The following WBP4 variants were observed in gnomAD, a reference collection of about 807,000 sequenced individuals.
WBP4 encodes WW domain binding protein 4.
In WBP4, 37 loss-of-function variants were observed where a neutral mutation model predicts 55.4. The ratio of observed to expected loss-of-function variants is 0.67; its 90% CI spans 0.51 to 0.88. The LOEUF (loss-of-function observed/expected upper bound fraction) is 0.88, where lower values mean the gene tolerates loss of function less well. Ranked by LOEUF, WBP4 falls within the 40% of genes least tolerant of loss-of-function variation. The pLI, the probability that WBP4 is intolerant of heterozygous loss-of-function variation, is 0.00. For synonymous variants in WBP4, 142 were observed against 140.2 expected (o/e 1.01, Z -0.09); for missense variants, 398 against 420.8 (o/e 0.95, Z 0.47).
At position 41,065,217 on chromosome 13, in the gene WBP4, GT is replaced by G; in HGVS notation, c.195del (p.Phe65LeufsTer9). ...AGGAAGAAGAAAAGGCATCAAAGGA[GT>G]TTGCTGCAATGGAGGCAGCTGCCCT... ...AKEEEKASKE[F>X]AAMEAAALKA... is the part of the protein sequence containing the mutation. On this transcript the variant is annotated frameshift_variant, in exon 4 of 10. Coordinates refer to ENST00000379487, the MANE Select transcript of WBP4 (RefSeq NM_007187.5). LOFTEE classifies it high-confidence loss of function. 1 of 1,585,684 alleles carries G rather than the reference GT, an allele frequency of 6.3e-7. No individual in the cohort carries two copies. Among genetic ancestry groups the G allele is most frequent in the Non-Finnish European group, 8.6e-7 (1 of 1,162,946 alleles).
At chr13:41,069,878 CAAAAAA>C (rs1178697602) in intron 5 of WBP4, among the ~76,000 whole-genome samples, 1 of 75,606 alleles carries the variant, frequency 1.3e-5, no homozygotes, top group Non-Finnish European at 2.8e-5. Context: ...AAGTCCATCT[CAAAAAA>C]AAAAAAAAGA....
rs772285718 is a variant in WBP4, at chr13:41,068,656, A to G, written c.358A>G (p.Lys120Glu). Residue 120 changes from lysine to glutamate, a missense_variant, in exon 5 of 10, where the codon AAA (lysine) becomes GAA (glutamate). Coordinates refer to ENST00000379487, the MANE Select transcript of WBP4 (RefSeq NM_007187.5). ...AGAAAAGAAAGAAAAGAAGAAAAGA[A>G]AAAAAGATCCTTCAAAGGGCAGATG... ...QKEKKEKKKR[K>E]KDPSKGRWVE... is the part of the protein sequence containing the mutation. The G allele has an allele frequency of 2.5e-6, 4 of 1,613,892 alleles. No homozygotes were observed. The South Asian group carries it at 3.3e-5, about 13-fold the overall frequency.
At position 41,076,098 on chromosome 13, in the gene WBP4, C is replaced by T. The variant is rs1878470177; in HGVS notation, c.617C>T (p.Ser206Phe). The change falls in exon 8 of 10, where the codon TCT becomes TTT. Residue 206 changes from serine (S) to phenylalanine (F), a missense_variant. By Grantham distance (155) the Ser-to-Phe change is radical. Transcript: ENST00000379487. ...ATTCCACACACTAGTGATCTGCCTT[C>T]TAGTAAGGTCAATGAAAATTCACTT... is the stretch of plus-strand genomic sequence containing the variant. ...DFIPHTSDLP[S>F]SKVNENSLGT... The T allele has an allele frequency of 1.2e-6, 2 of 1,613,306 alleles. No individual in the cohort carries two copies. Among genetic ancestry groups the T allele is most frequent in the African/African-American group, 1.3e-5 (1 of 74,658 alleles).
At chr13:41,066,849 G>A (rs1236782384) in intron 4 of WBP4, among the ~76,000 whole-genome samples, 1 of 152,178 alleles carries the variant, frequency 6.6e-6, no homozygotes, top group African/African-American at 2.4e-5. Context: ...GTATAAAAGT[G>A]TGAATATATT....
Position 41,065,112 on chromosome 13 carries a change from T to G in WBP4, c.138+34T>G, listed in dbSNP as rs1221089843. 14 of 1,600,732 alleles carry G rather than the reference T, an allele frequency of 8.7e-6. No homozygotes were observed. The Middle Eastern group carries it at 5.0e-4, about 57-fold the overall frequency. ...GATTGTTTATTTGCTAATTTTTCTA[T>G]GCAAATGTCAGTCCTTTATCTCACT... is the stretch of plus-strand genomic sequence containing the variant. On this transcript the variant is annotated intron_variant, in intron 3 of 9. Transcript: ENST00000379487.
chr13:41,080,679 C>A lies in WBP4; in HGVS notation c.790C>A (p.Pro264Thr). Residue 264 changes from proline (P) to threonine (T), a missense_variant, in exon 9 of 10, where the codon CCA becomes ACA. By Grantham distance (38) the Pro-to-Thr change is conservative. Coordinates refer to ENST00000379487, the MANE Select transcript of WBP4 (RefSeq NM_007187.5). ...TAAAAATAGTGATGGAGGAAGTGACCCAGAAACACAGAAAGAAAAAAGTAT... is the reference window on the plus strand; with the variant it reads ...TAAAAATAGTGATGGAGGAAGTGACACAGAAACACAGAAAGAAAAAAGTAT... Reference protein sequence around the residue: ...KNKNSDGGSDPETQKEKSIQK... With the variant: ...KNKNSDGGSDTETQKEKSIQK... 6.3e-7 allele frequency: 1 copy of A among 1,596,342 alleles called. No homozygotes were observed. The highest frequency in any genetic ancestry group is 1.2e-5 in the South Asian group (1 of 86,666).
At chr13:41,074,031 ATGCCATTCTCC>A (rs1878368707) in intron 7 of WBP4, among the ~76,000 whole-genome samples, 1 of 150,616 alleles carries the variant, frequency 6.6e-6, no homozygotes, top group South Asian at 2.1e-4. Context: ...CCTGGGGTTC[ATGCCATTCTCC>A]TGCCTCAGCC....
Position 41,061,550 on chromosome 13 carries a change from A to G in WBP4, c.-124A>G. On this transcript the variant is annotated 5_prime_UTR_variant, in exon 1 of 10. Transcript: ENST00000379487. ...GAACGCTGGTCCCGGGGACTGAGTA[A>G]GGTGTCTGGATCGGAGGGAGGTTCG... 1 of 1,459,844 alleles carries G rather than the reference A, an allele frequency of 6.9e-7. No homozygotes were observed. The highest frequency in any genetic ancestry group is 9.5e-7 in the Non-Finnish European group (1 of 1,051,498). 90.4% of individuals were successfully genotyped at this position (1,459,844 alleles called of 1,614,324 possible).
rs202181605 is a variant in WBP4 at position 41,082,781 on chromosome 13, C to G, written c.998C>G (p.Pro333Arg). The stretch of plus-strand genomic sequence containing the variant: ...TCAGAAGCTGATGGTGGCGGAGAAC[C>G]CAAAGTGGTATTTAAAGAAAAAACA... ...STSEADGGGEPKVVFKEKTVT... is the reference protein window; with the variant it reads ...STSEADGGGERKVVFKEKTVT... The change falls in exon 10 of 10, where the codon CCC becomes CGC. Residue 333 changes from proline to arginine, a missense_variant. Physicochemically the swap from Pro to Arg is moderately radical, Grantham distance 103. Coordinates refer to ENST00000379487, the MANE Select transcript of WBP4 (RefSeq NM_007187.5). 1.2e-6 allele frequency: 2 copies of G among 1,613,844 alleles called. No homozygotes were observed. The highest frequency in any genetic ancestry group is 1.7e-6 in the Non-Finnish European group (2 of 1,179,994).
At position 41,079,445 on chromosome 13, in the gene WBP4, T is replaced by C. The variant is rs968191244; in HGVS notation, c.757-1201T>C. On this transcript the variant is annotated intron_variant, in intron 8 of 9. Coordinates refer to ENST00000379487, the MANE Select transcript of WBP4 (RefSeq NM_007187.5). ...GAAATTAGCCGAGCATGGTGGCGCATGCAGGAGAATTGCTTGAACCTGGGA... is the reference window on the plus strand; with the variant it reads ...GAAATTAGCCGAGCATGGTGGCGCACGCAGGAGAATTGCTTGAACCTGGGA... 2.0e-5 allele frequency among the ~76,000 whole-genome samples: 3 copies of C among 148,652 alleles called. No individual in the cohort carries two copies. The Admixed American group carries it at 2.1e-4, about 10-fold the overall frequency.
At chr13:41,064,233 T>C (rs1877840955) in intron 2 of WBP4, among the ~76,000 whole-genome samples, 1 of 152,160 alleles carries the variant, frequency 6.6e-6, no homozygotes. Flanking sequence ...TATCCATACA[T>C]AAAGAGCTTC....
intron 7 of WBP4, among the ~76,000 whole-genome samples, chr13:41,073,798 C>T (rs1878355426): frequency 6.6e-6 from 1 of 152,098 alleles, no homozygotes; most frequent in Non-Finnish European, 1.5e-5. Flanking sequence ...CAGAGCAAGA[C>T]TGTCTCAAAA....
At position 41,080,626 on chromosome 13, in the gene WBP4, T is replaced by A. The variant is rs778861564; in HGVS notation, c.757-20T>A. 1.9e-6 allele frequency: 3 copies of A among 1,567,052 alleles called. No individual in the cohort carries two copies. The highest frequency in any genetic ancestry group is 2.6e-6 in the Non-Finnish European group (3 of 1,164,318). Reference sequence around the variant, plus strand: ...GTAGTTTTGCTTGAACTGTATTATTTCTTGGCTTTTACATTTCAGGAAAAA... The same window carrying A: ...GTAGTTTTGCTTGAACTGTATTATTACTTGGCTTTTACATTTCAGGAAAAA... On this transcript the variant is annotated intron_variant, in intron 8 of 9. Coordinates refer to ENST00000379487, the MANE Select transcript of WBP4 (RefSeq NM_007187.5).
intron 2 of WBP4, among the ~76,000 whole-genome samples, chr13:41,063,474 A>AT (rs35118756): frequency 0.33 from 49,658 of 151,368 alleles, 9,874 homozygotes; most frequent in Admixed American, 0.47. Flanking sequence ...TAGGATTTGG[A>AT]TTTTTTTTTG....
chr13:41,072,784 A>C lies in WBP4; in HGVS notation c.489A>C (p.Thr163=), dbSNP rs141219833. ...PEGFQGDLKK[T]AVKTVWVEGL... Reference sequence around the variant, plus strand: ...CTGGGTTTTTTTCCTCCTATTAGACAGCAGTGAAGACCGTTTGGGTAGAAG... The same window carrying C: ...CTGGGTTTTTTTCCTCCTATTAGACCGCAGTGAAGACCGTTTGGGTAGAAG... Residue 163 remains threonine, a splice_region_variant and synonymous_variant, in exon 7 of 10, where the codon ACA becomes ACC. Transcript: ENST00000379487. 2.9e-5 allele frequency: 47 copies of C among 1,613,360 alleles called. No homozygotes were observed. In the African/African-American group the frequency reaches 6.0e-4, roughly 21 times the overall value.
Position 41,072,874 on chromosome 13 carries a change from A to T in WBP4, c.562+17A>T, listed in dbSNP as rs1344708876. On this transcript the variant is annotated intron_variant, in intron 7 of 9. Coordinates refer to ENST00000379487, the MANE Select transcript of WBP4 (RefSeq NM_007187.5). ...AAACAGGAGGTAAGTATTACCTTTGATTATCTTAACTGTTTAAAATTGTAC... is the reference window on the plus strand; with the variant it reads ...AAACAGGAGGTAAGTATTACCTTTGTTTATCTTAACTGTTTAAAATTGTAC... 6.3e-7 allele frequency: 1 copy of T among 1,591,206 alleles called. No individual in the cohort carries two copies. Among genetic ancestry groups the T allele is most frequent in the Admixed American group, 1.7e-5 (1 of 59,084 alleles).
chr13:41,072,045 C>CAA (rs560903455), intron 6 of WBP4, among the ~76,000 whole-genome samples: 93 of 50,252 alleles, frequency 1.9e-3, no homozygotes, highest in Non-Finnish European at 3.1e-3. Context: ...GACTCCGTCT[C>CAA]AAAAAAAAAA....
chr13:41,077,894 G>C (rs752630088), intron 8 of WBP4, among the ~76,000 whole-genome samples: 1 of 151,280 alleles, frequency 6.6e-6, no homozygotes, highest in African/African-American at 2.4e-5. Context: ...AATCCCATTT[G>C]TGGTAACTAC....
intron 7 of WBP4, among the ~76,000 whole-genome samples, chr13:41,073,901 C>T (rs963591498): frequency 4.6e-5 from 7 of 151,480 alleles, no homozygotes; most frequent in African/African-American, 1.7e-4. Flanking sequence ...TAAATACTTA[C>T]GAAGCATGCA....
Sources: gnomAD v4.1 joint callset for allele counts (sites outside exome capture counted in the v4.1 genomes callset) on GRCh38, gnomAD v4.1.1 for gene constraint, MANE v1.5 for transcripts, NCBI Gene and HGNC (gene_info 2026-07-23, HGNC 2026-07-21) for gene names.